BNC2: variants seen among roughly 807,000 people sequenced by gnomAD.
The protein encoded by BNC2 is basonuclin zinc finger protein 2.
Under a neutral mutation model 76.3 loss-of-function variants are expected in BNC2, and 20 were observed. That is an observed-to-expected ratio of 0.26 (90% CI 0.18 to 0.38). BNC2 has a LOEUF of 0.38. BNC2 is among the 10% of genes least tolerant of loss of function. BNC2 has a pLI of 1.00. For missense variants in BNC2, 1,382 were observed against 1,399.8 expected, an observed-to-expected ratio of 0.99 and a Z score of 0.20; for synonymous variants, 582 against 514.8, an observed-to-expected ratio of 1.13 and a Z score of -1.77.
At chr9:16,510,634 C>A (rs897067512) in intron 5 of BNC2, among the ~76,000 whole-genome samples, 3 of 152,106 alleles carry the variant, frequency 2.0e-5, no homozygotes, top group African/African-American at 4.8e-5. Context: ...AACAGATAAG[C>A]CTTTACAGAT....
chr9:16,632,366 A>T (rs1006927710), intron 3 of BNC2, among the ~76,000 whole-genome samples: 1 of 152,102 alleles, frequency 6.6e-6, no homozygotes, highest in Non-Finnish European at 1.5e-5. Flanking sequence ...AAGCACAAAC[A>T]AAAAAACTGG....
chr9:16,538,735 T>C (rs978263102), intron 5 of BNC2, among the ~76,000 whole-genome samples: 2 of 152,136 alleles, frequency 1.3e-5, no homozygotes, highest in African/African-American at 2.4e-5. Context: ...AGGTTGAAAT[T>C]TACGTTAGTC....
intron 5 of BNC2, among the ~76,000 whole-genome samples, chr9:16,467,381 A>G (rs1359581633): frequency 6.6e-6 from 1 of 150,434 alleles, no homozygotes; most frequent in Non-Finnish European, 1.5e-5. Flanking sequence ...ACACAGGCAC[A>G]CGTATGTTTA....
chr9:16,580,307 T>C (rs1167528706), intron 4 of BNC2, among the ~76,000 whole-genome samples: 2 of 152,100 alleles, frequency 1.3e-5, no homozygotes, highest in Admixed American at 1.3e-4. Context: ...TGCTTGGGTG[T>C]ATGCATTTTG....
At chr9:16,625,191 C>CA (rs563930107) in intron 3 of BNC2, among the ~76,000 whole-genome samples, 46 of 151,834 alleles carry the variant, frequency 3.0e-4, no homozygotes, top group Non-Finnish European at 5.3e-4. Context: ...AATTATGAAA[C>CA]AAAAAAAATG....
chr9:16,622,158 C>T (rs1820883638), intron 3 of BNC2, among the ~76,000 whole-genome samples: 1 of 152,076 alleles, frequency 6.6e-6, no homozygotes, highest in South Asian at 2.1e-4. Context: ...TTTATAGCTC[C>T]CCAAATTATA....
intron 4 of BNC2, among the ~76,000 whole-genome samples, chr9:16,560,188 T>C (rs900206810): frequency 5.9e-5 from 9 of 152,310 alleles, no homozygotes; most frequent in Admixed American, 2.0e-4. Flanking sequence ...CTCCAGAAGA[T>C]GCTGATGCTA....
intron 3 of BNC2, among the ~76,000 whole-genome samples, chr9:16,722,248 T>C (rs1463548716): frequency 6.6e-6 from 1 of 152,202 alleles, no homozygotes; most frequent in Non-Finnish European, 1.5e-5. Flanking sequence ...GCCTTGGTTG[T>C]GACCCATTCA....
At chr9:16,576,904 A>C (rs542074651) in intron 4 of BNC2, among the ~76,000 whole-genome samples, 1 of 152,182 alleles carries the variant, frequency 6.6e-6, no homozygotes, top group African/African-American at 2.4e-5. Flanking sequence ...CACCCAGCTA[A>C]TTTTTGTATT....
intron 4 of BNC2, among the ~76,000 whole-genome samples, chr9:16,567,144 T>C (rs1048958935): frequency 1.7e-4 from 26 of 152,196 alleles, no homozygotes; most frequent in Admixed American, 6.5e-4. Context: ...CAAAGGAACA[T>C]GGTGGCTAAG....
intron 3 of BNC2, among the ~76,000 whole-genome samples, chr9:16,654,312 A>G (rs1372785465): frequency 6.6e-6 from 1 of 152,192 alleles, no homozygotes; most frequent in African/African-American, 2.4e-5. Context: ...AGTTCAGGGC[A>G]TAACATAAGC....
At chr9:16,512,938 C>T (rs1478206089) in intron 5 of BNC2, among the ~76,000 whole-genome samples, 1 of 152,028 alleles carries the variant, frequency 6.6e-6, no homozygotes, top group Non-Finnish European at 1.5e-5. Context: ...GATTTCGAGA[C>T]CAGCCTGGCC....
At chr9:16,803,435 A>C (rs1198126566) in intron 1 of BNC2, among the ~76,000 whole-genome samples, 1 of 152,252 alleles carries the variant, frequency 6.6e-6, no homozygotes, top group Non-Finnish European at 1.5e-5. Context: ...ATTATCCAGC[A>C]CATAGCAAGC....
intron 4 of BNC2, chr9:16,580,264 G>A (rs1484451290): frequency 2.5e-6 from 1 of 397,838 alleles, no homozygotes; most frequent in East Asian, 3.6e-5. Flanking sequence ...TGCTGTATTT[G>A]GCCTCATGAA....
At chr9:16,479,249 CAA>C (rs772198451) in intron 5 of BNC2, among the ~76,000 whole-genome samples, 11 of 65,150 alleles carry the variant, frequency 1.7e-4, no homozygotes, top group Non-Finnish European at 2.3e-4. Flanking sequence ...GACTCTGTCT[CAA>C]AAAAAAAAAA....
intron 3 of BNC2, among the ~76,000 whole-genome samples, chr9:16,666,413 A>G (rs74736391): frequency 2.0e-5 from 3 of 152,336 alleles, no homozygotes; most frequent in East Asian, 3.9e-4. Context: ...TCCTCCAATA[A>G]AGCAGGTAGG....
At chr9:16,462,295 GAATT>G (rs1217110492) in intron 5 of BNC2, among the ~76,000 whole-genome samples, 2 of 152,154 alleles carry the variant, frequency 1.3e-5, no homozygotes, top group African/African-American at 4.8e-5. Flanking sequence ...TTTATTGTAA[GAATT>G]AATAAAGTGA....
At chr9:16,530,952 G>T (rs1477380211) in intron 5 of BNC2, among the ~76,000 whole-genome samples, 1 of 152,134 alleles carries the variant, frequency 6.6e-6, no homozygotes, top group East Asian at 1.9e-4. Context: ...ATTTAGCAAT[G>T]AGCCGGGAGG....
chr9:16,442,430 T>C (rs1459823063), intron 5 of BNC2, among the ~76,000 whole-genome samples: 1 of 152,250 alleles, frequency 6.6e-6, no homozygotes, highest in Admixed American at 6.5e-5. Flanking sequence ...TTTTAAAACT[T>C]TTTGTTGTAG....
Sources: gnomAD v4.1 joint callset for allele counts (sites outside exome capture counted in the v4.1 genomes callset) on GRCh38, gnomAD v4.1.1 for gene constraint, MANE v1.5 for transcripts, NCBI Gene and HGNC (gene_info 2026-07-23, HGNC 2026-07-21) for gene names.